Variants in LMAN1 observed in about 807,000 individuals in gnomAD.
The protein encoded by LMAN1 is lectin, mannose binding 1.
Under a neutral mutation model 67.8 loss-of-function variants are expected in LMAN1, and 32 were observed. The ratio of observed to expected loss-of-function variants is 0.47; its 90% CI spans 0.36 to 0.63. LMAN1 has a LOEUF of 0.63. LMAN1 is among the 30% of genes least tolerant of loss of function. LMAN1 has a pLI of 0.00. For missense variants in LMAN1, 632 were observed against 628.2 expected (o/e 1.01, Z -0.06); for synonymous variants, 235 against 219.3 (o/e 1.07, Z -0.63).
At chr18:59,343,646 T>G (rs149798576) in intron 8 of LMAN1, among the ~76,000 whole-genome samples, 82 of 152,120 alleles carry the variant, frequency 5.4e-4, no homozygotes, top group African/African-American at 2.0e-3. Context: ...ATGCAAAAAT[T>G]AACTCAAGAT....
rs535046911 is a variant in LMAN1 at position 59,346,430 on chromosome 18, G to T, written c.823-379C>A. Among the ~76,000 whole-genome samples the T allele has an allele frequency of 8.6e-5, 13 of 151,762 alleles. No individual in the cohort carries two copies. The South Asian group carries it at 2.3e-3, about 27-fold the overall frequency. On this transcript the variant is annotated intron_variant, in intron 7 of 12. Coordinates refer to ENST00000251047, the MANE Select transcript of LMAN1 (RefSeq NM_005570.4). ...AGTAGAGATGGAGTTTCACTGTGTTGTCCAGGCTGGTTTTGAACCCTTTAG... is the reference window on the plus strand; with the variant it reads ...AGTAGAGATGGAGTTTCACTGTGTTTTCCAGGCTGGTTTTGAACCCTTTAG...
At chr18:59,333,509 A>C (rs1212142092) in intron 10 of LMAN1, 1 of 384,328 alleles carries the variant, frequency 2.6e-6, no homozygotes, top group African/African-American at 2.1e-5. Flanking sequence ...AACCAATAGT[A>C]TAAGTGGATA....
chr18:59,333,923 TA>T lies in LMAN1; in HGVS notation c.1221-680del, dbSNP rs534506010. ...CAGACAGAATGTTAAGTATAACATT[TA>T]AAAAATTATGTTTGAGTTACATGAG... On this transcript the variant is annotated intron_variant, in intron 10 of 12. Transcript: ENST00000251047. 1.1e-4 allele frequency among the ~76,000 whole-genome samples: 16 copies of T among 152,240 alleles called. No homozygotes were observed. In the East Asian group the frequency reaches 2.9e-3, roughly 28 times the overall value.
chr18:59,354,469 A>AT, intron 4 of LMAN1, 50 bp downstream of exon 4: 1 of 989,092 alleles, frequency 1.0e-6, no homozygotes, highest in Non-Finnish European at 1.6e-6. Flanking sequence ...TTTCATAAGG[A>AT]TTCCAAAAAG....
intron 7 of LMAN1, among the ~76,000 whole-genome samples, 193 bp downstream of exon 7, chr18:59,347,320 C>CAAAAAAAAAAAAA (rs58932497): frequency 1.4e-5 from 1 of 70,320 alleles, no homozygotes; most frequent in African/African-American, 5.8e-5. Flanking sequence ...GACTCCGTCT[C>CAAAAAAAAAAAAA]AAAAAAAAAA....
At chr18:59,358,720 AG>A (rs1480394672) in intron 1 of LMAN1, among the ~76,000 whole-genome samples, 8 of 152,154 alleles carry the variant, frequency 5.3e-5, no homozygotes. Flanking sequence ...TTTGAGTGCT[AG>A]GAAGTGTAGG....
chr18:59,357,152 T>G (rs1033270941), intron 1 of LMAN1, among the ~76,000 whole-genome samples: 1 of 152,160 alleles, frequency 6.6e-6, no homozygotes, highest in African/African-American at 2.4e-5. Context: ...ATAGCAGAGA[T>G]TCCCAGAGCC....
intron 10 of LMAN1, among the ~76,000 whole-genome samples, chr18:59,335,163 G>A (rs555963094): frequency 1.3e-5 from 2 of 152,286 alleles, no homozygotes; most frequent in South Asian, 4.1e-4. Flanking sequence ...GCTGGGTGCA[G>A]TGGCTAACAC....
chr18:59,337,098 G>A (rs1292774087), intron 10 of LMAN1, among the ~76,000 whole-genome samples: 2 of 150,174 alleles, frequency 1.3e-5, no homozygotes, highest in Non-Finnish European at 3.0e-5. Context: ...ATAGCAATAG[G>A]AAACCACCAT....
intron 7 of LMAN1, 101 bp from the exon 8 acceptor site, chr18:59,346,152 G>T: frequency 1.1e-6 from 1 of 928,758 alleles, no homozygotes; most frequent in Non-Finnish European, 1.6e-6. Context: ...TCTACCACTA[G>T]CGGAAAGGTT....
At position 59,346,020 on chromosome 18, in the gene LMAN1, T is replaced by A. The variant is rs1908394586; in HGVS notation, c.854A>T (p.Glu285Val). The A allele has an allele frequency of 6.2e-7, 1 of 1,612,868 alleles. No homozygotes were observed. Residue 285 changes from glutamate (E) to valine (V), a missense_variant, in exon 8 of 13, where the codon GAA (glutamate) becomes GTA (valine). Glu to Val is a moderately radical substitution (Grantham distance 121). Coordinates refer to ENST00000251047, the MANE Select transcript of LMAN1 (RefSeq NM_005570.4). ...PTPDKEISEK[E>V]KEKYQEEFEH... Reference sequence around the variant, plus strand: ...AAATTCCTCCTGATACTTTTCTTTTTCCTTTTCCGAAATTTCTTTATCTGG... The same window carrying A: ...AAATTCCTCCTGATACTTTTCTTTTACCTTTTCCGAAATTTCTTTATCTGG...
intron 10 of LMAN1, chr18:59,333,467 T>C (rs1469901044): frequency 8.1e-6 from 4 of 492,448 alleles, no homozygotes; most frequent in Non-Finnish European, 1.4e-5. Flanking sequence ...AAAAATACCA[T>C]GTAGAAAATA....
chr18:59,339,137 C>T (rs970572969), intron 8 of LMAN1, among the ~76,000 whole-genome samples, 184 bp from the exon 9 acceptor site: 1 of 152,100 alleles, frequency 6.6e-6, no homozygotes, highest in East Asian at 1.9e-4. Context: ...TTGTTTTCTG[C>T]CATTTCAGGT....
intron 10 of LMAN1, among the ~76,000 whole-genome samples, chr18:59,335,427 C>G (rs1278481625): frequency 2.7e-5 from 4 of 149,424 alleles, no homozygotes; most frequent in African/African-American, 9.9e-5. Context: ...GAGCAAAACT[C>G]CATCTCAAAA....
intron 1 of LMAN1, among the ~76,000 whole-genome samples, chr18:59,358,418 G>A (rs1230854563): frequency 1.3e-5 from 2 of 152,258 alleles, no homozygotes; most frequent in East Asian, 1.9e-4. Context: ...GTCACTGAGA[G>A]GAAAATGTGT....
rs578010268 is a variant in LMAN1 at position 59,346,471 on chromosome 18, C to T, written c.823-420G>A. On this transcript the variant is annotated intron_variant, in intron 7 of 12. Coordinates refer to ENST00000251047, the MANE Select transcript of LMAN1 (RefSeq NM_005570.4). ...AACCCTTTAGCTCAGGCAATGCACC[C>T]GCCTCGGCCTCCCAAAGTGCTAGGA... is the stretch of plus-strand genomic sequence containing the variant. Among the ~76,000 whole-genome samples the T allele has an allele frequency of 7.9e-5, 12 of 151,938 alleles. No individual in the cohort carries two copies. In the South Asian group the frequency reaches 1.7e-3, roughly 21 times the overall value.
At chr18:59,355,808 A>G (rs1908649250) in intron 1 of LMAN1, 150 bp from the exon 2 acceptor site, 2 of 855,990 alleles carry the variant, frequency 2.3e-6, no homozygotes, top group Non-Finnish European at 1.8e-6. Flanking sequence ...TTTAACTTTA[A>G]AAGTTTAGGG....
At chr18:59,335,450 A>G (rs925242112) in intron 10 of LMAN1, among the ~76,000 whole-genome samples, 17 of 151,896 alleles carry the variant, frequency 1.1e-4, no homozygotes, top group African/African-American at 3.9e-4. Flanking sequence ...AAAAAAAAAA[A>G]AGAAAGAAAA....
In LMAN1 at chr18:59,353,281, A is replaced by G; in HGVS notation, c.560T>C (p.Leu187Ser). 6.2e-7 allele frequency: 1 copy of G among 1,614,102 alleles called. No individual in the cohort carries two copies. Among genetic ancestry groups the G allele is most frequent in the Non-Finnish European group, 8.5e-7 (1 of 1,179,942 alleles). The change falls in exon 5 of 13, where the codon TTG becomes TCG. Residue 187 changes from leucine to serine, a missense_variant. Coordinates refer to ENST00000251047, the MANE Select transcript of LMAN1 (RefSeq NM_005570.4). ...GCGGAAGTCCCTCTGGCAACTTGCC[A>G]AAGCTTGACTAGCCCCGTCACTATA... is the stretch of plus-strand genomic sequence containing the variant. The part of the protein sequence containing the change: ...DHQNDGASQA[L>S]ASCQRDFRNK...
Sources: gnomAD v4.1 joint callset for allele counts (sites outside exome capture counted in the v4.1 genomes callset) on GRCh38, gnomAD v4.1.1 for gene constraint, MANE v1.5 for transcripts, NCBI Gene and HGNC (gene_info 2026-07-23, HGNC 2026-07-21) for gene names.